Variants in TNRC18 observed in about 807,000 individuals in gnomAD.
TNRC18 encodes the protein trinucleotide repeat containing 18.
In TNRC18, 69 loss-of-function variants were observed where a neutral mutation model predicts 226.7. The observed-to-expected ratio is 0.30, with a 90% CI of 0.25 to 0.37. TNRC18 has a LOEUF of 0.37. Among genes scored for constraint, TNRC18 ranks in the 10% least tolerant of loss-of-function variants. The pLI is 1.00. For missense variants in TNRC18, 4,754 were observed against 4,256.6 expected (o/e 1.12, Z -3.25); for synonymous variants, 2,449 against 1,927.6 (o/e 1.27, Z -7.09).
rs1786980682 is a variant in TNRC18 at position 5,309,608 on chromosome 7, ACTT to A, written c.8389-243_8389-241del. ...GATCTAAGCATTCTGCCGCTACAAG[ACTT>A]CTTATTTTTGAGACAGGGTCTCCCT... On this transcript the variant is annotated intron_variant, in intron 27 of 29. Transcript: ENST00000430969. This position sits in a 1 kb window ranked among gnomAD's most constrained non-coding sequence, Gnocchi z 5.7. 6.6e-6 allele frequency among the ~76,000 whole-genome samples: 1 copy of A among 152,192 alleles called. No homozygotes were observed. Among genetic ancestry groups the A allele is most frequent in the South Asian group, 2.1e-4 (1 of 4,836 alleles).
chr7:5,402,580 G>A (rs971174602), intron 2 of TNRC18, among the ~76,000 whole-genome samples: 19 of 141,104 alleles, frequency 1.3e-4, no homozygotes, highest in African/African-American at 4.8e-4. Flanking sequence ...GCGGCTGGGC[G>A]CAGTGGCTCA....
chr7:5,362,019 C>A lies in TNRC18; in HGVS notation c.4410G>T (p.Lys1470Asn). ...GGGCGTCCATGTCCTCCAGGGAGGA[C>A]TTCATGGCATACATCTGGGGGAAGA... is the stretch of plus-strand genomic sequence containing the variant. ...RKKEERMYAM[K>N]SSLEDMDALE... The change falls in exon 13 of 30, where the codon AAG becomes AAT. Residue 1470 changes from lysine (K) to asparagine (N), a missense_variant. Lys to Asn is a moderately conservative substitution (Grantham distance 94). Coordinates refer to ENST00000430969, the MANE Select transcript of TNRC18 (RefSeq NM_001080495.3). 3 of 1,613,368 alleles carry A rather than the reference C, an allele frequency of 1.9e-6. No individual in the cohort carries two copies. Among genetic ancestry groups the A allele is most frequent in the South Asian group, 2.2e-5 (2 of 91,028 alleles).
rs181961317 is a variant in TNRC18 at position 5,384,041 on chromosome 7, T to C, written c.2152+3631A>G. On this transcript the variant is annotated intron_variant, in intron 5 of 29. Coordinates refer to ENST00000430969, the MANE Select transcript of TNRC18 (RefSeq NM_001080495.3). ...GTGCAATGGCACGATCTCAGCTCACTGCAACCTCCTCCTCCTAGGTTCAAG... is the reference window on the plus strand; with the variant it reads ...GTGCAATGGCACGATCTCAGCTCACCGCAACCTCCTCCTCCTAGGTTCAAG... Among the ~76,000 whole-genome samples the C allele has an allele frequency of 3.0e-3, 430 of 142,084 alleles. 5 individuals are homozygous for C. The highest frequency in any genetic ancestry group is 0.01 in the African/African-American group (395 of 38,090). 93.2% of individuals were successfully genotyped at this position (142,084 alleles called of 152,430 possible). A position where few individuals can be genotyped will look rare whatever the true frequency, so the allele number is the denominator to read the frequency against.
rs1788219209 is a variant in TNRC18, at chr7:5,320,342, G to C, written c.6721C>G (p.Leu2241Val). 1.9e-6 allele frequency: 3 copies of C among 1,556,022 alleles called. No homozygotes were observed. The highest frequency in any genetic ancestry group is 2.6e-6 in the Non-Finnish European group (3 of 1,149,654). Reference sequence around the variant, plus strand: ...CCTCGGACCACAGTGCCTGGGTAGAGACAGCGGTACTGCTGGCTCCAGTAG... The same window carrying C: ...CCTCGGACCACAGTGCCTGGGTAGACACAGCGGTACTGCTGGCTCCAGTAG... ...AAYWSQQYRC[L>V]YPGTVVRGLL... Residue 2241 changes from leucine to valine, a missense_variant, in exon 24 of 30, where the codon CTC becomes GTC. Transcript: ENST00000430969.
intron 2 of TNRC18, among the ~76,000 whole-genome samples, chr7:5,405,188 G>A (rs889703172): frequency 7.9e-5 from 12 of 152,116 alleles, no homozygotes; most frequent in Non-Finnish European, 1.6e-4. Flanking sequence ...AGAACTTTGG[G>A]AAGCTGAGGC....
rs2128097559 is a variant in TNRC18, at chr7:5,307,810, C to T, written c.*296G>A. 2.2e-6 allele frequency: 1 copy of T among 463,662 alleles called. No homozygotes were observed. The highest frequency in any genetic ancestry group is 2.1e-5 in the South Asian group (1 of 46,624). 28.7% of individuals were successfully genotyped at this position (463,662 alleles called of 1,614,324 possible). A position where few individuals can be genotyped will look rare whatever the true frequency, so the allele number is the denominator to read the frequency against. On this transcript the variant is annotated 3_prime_UTR_variant, in exon 30 of 30. Coordinates refer to ENST00000430969, the MANE Select transcript of TNRC18 (RefSeq NM_001080495.3). ...CCTGGAGGGCCGGCCTGGCCAAGTG[C>T]TTGCAACGTGCTGGGCAGGAAGGGC...
chr7:5,365,034 G>A (rs1179938193), intron 11 of TNRC18, among the ~76,000 whole-genome samples: 1 of 151,614 alleles, frequency 6.6e-6, no homozygotes, highest in African/African-American at 2.4e-5. Context: ...TGGGGGGGCG[G>A]GGGCGGAAGG....
intron 19 of TNRC18, among the ~76,000 whole-genome samples, chr7:5,330,213 T>C (rs1345484944): frequency 6.6e-6 from 1 of 152,118 alleles, no homozygotes. Context: ...ATTACAGGAA[T>C]GAGCCACTGC....
intron 21 of TNRC18, among the ~76,000 whole-genome samples, chr7:5,323,975 G>T (rs893403928): frequency 6.6e-6 from 1 of 152,142 alleles, no homozygotes; most frequent in East Asian, 1.9e-4. Context: ...CCCAAGCCCC[G>T]CAGGACCTGC....
At chr7:5,406,527 C>A (rs1205389046) in intron 2 of TNRC18, among the ~76,000 whole-genome samples, 1 of 150,420 alleles carries the variant, frequency 6.6e-6, no homozygotes, top group African/African-American at 2.5e-5. Context: ...TTTGAGGTAC[C>A]TACAGTACTC....
intron 10 of TNRC18, among the ~76,000 whole-genome samples, chr7:5,373,369 G>A (rs1267600170): frequency 6.6e-6 from 1 of 152,096 alleles, no homozygotes; most frequent in African/African-American, 2.4e-5. Context: ...TCCCCCAAGT[G>A]TAATCTCCCT....
chr7:5,348,327 C>T (rs1791421317), intron 17 of TNRC18, among the ~76,000 whole-genome samples: 1 of 152,168 alleles, frequency 6.6e-6, no homozygotes, highest in East Asian at 1.9e-4. Context: ...GGGAAAGTGA[C>T]TCTAGGGGCC....
chr7:5,404,317 G>A (rs531398760), intron 2 of TNRC18, among the ~76,000 whole-genome samples: 1 of 152,192 alleles, frequency 6.6e-6, no homozygotes, highest in African/African-American at 2.4e-5. Flanking sequence ...GTTGCAGTGA[G>A]CCGAGATCAC....
intron 15 of TNRC18, among the ~76,000 whole-genome samples, chr7:5,357,521 C>G (rs1251485535): frequency 6.6e-6 from 1 of 152,206 alleles, no homozygotes; most frequent in African/African-American, 2.4e-5. Flanking sequence ...AAGCATTTCT[C>G]CTGCCTCAGG....
At chr7:5,308,514 GGATA>G (rs2128098807) in intron 29 of TNRC18, among the ~76,000 whole-genome samples, 1 of 152,104 alleles carries the variant, frequency 6.6e-6, no homozygotes, top group Admixed American at 6.6e-5. Flanking sequence ...TGAGAGACAA[GGATA>G]GACAGACCAA....
At position 5,312,190 on chromosome 7, in the gene TNRC18, G is replaced by A. The variant is rs905300424; in HGVS notation, c.8388+313C>T. Among the ~76,000 whole-genome samples the A allele has an allele frequency of 1.2e-4, 19 of 152,258 alleles. No individual in the cohort carries two copies. The highest frequency in any genetic ancestry group is 5.8e-4 in the East Asian group (3 of 5,184). On this transcript the variant is annotated intron_variant, in intron 27 of 29. Coordinates refer to ENST00000430969, the MANE Select transcript of TNRC18 (RefSeq NM_001080495.3). This position sits in a 1 kb window ranked among gnomAD's most constrained non-coding sequence, Gnocchi z 6.3. The stretch of plus-strand genomic sequence containing the variant: ...GCCTGGAAAGCCCCTTCCACGTGGC[G>A]CCGACGCCTGTGGGTCTGTGCTGAT...
At chr7:5,322,005 C>T (rs1160604030) in intron 21 of TNRC18, among the ~76,000 whole-genome samples, 1 of 151,742 alleles carries the variant, frequency 6.6e-6, no homozygotes, top group Non-Finnish European at 1.5e-5. Flanking sequence ...TCAAGCCAGG[C>T]GCGATGGCTC....
In TNRC18 at chr7:5,374,367, G is replaced by T; in HGVS notation, c.2917C>A (p.Arg973=). ...LATAGPGLLP[R]KPPGLAAGPA... Reference sequence around the variant, plus strand: ...CCGGCGGCCAGGCCAGGGGGCTTCCGCGGCAGCAGCCCGGGGCCGGCGGTG... The same window carrying T: ...CCGGCGGCCAGGCCAGGGGGCTTCCTCGGCAGCAGCCCGGGGCCGGCGGTG... The change falls in exon 10 of 30, where the codon CGG becomes AGG. Residue 973 remains arginine (R), a synonymous_variant. Coordinates refer to ENST00000430969, the MANE Select transcript of TNRC18 (RefSeq NM_001080495.3). 1 of 1,469,562 alleles carries T rather than the reference G, an allele frequency of 6.8e-7. No homozygotes were observed. Among genetic ancestry groups the T allele is most frequent in the East Asian group, 2.8e-5 (1 of 35,358 alleles). The allele number at this position is 1,469,562 out of a possible 1,614,324, so 91.0% of individuals were successfully genotyped here.
At chr7:5,368,751 A>C (rs559248157) in intron 11 of TNRC18, among the ~76,000 whole-genome samples, 50 of 152,232 alleles carry the variant, frequency 3.3e-4, no homozygotes, top group African/African-American at 1.0e-3. Context: ...TAATTTGAGA[A>C]GTAAATATGT....
Sources: allele counts gnomAD v4.1 joint callset (sites outside exome capture counted in the v4.1 genomes callset), GRCh38; gene constraint gnomAD v4.1.1; non-coding constraint Gnocchi (gnomAD v3.1); transcripts MANE v1.5; gene names NCBI Gene and HGNC (gene_info 2026-07-23, HGNC 2026-07-21).